NEK7: variants seen among roughly 807,000 people sequenced by gnomAD.
NEK7 encodes the protein NIMA related kinase 7.
Under a neutral mutation model 44.6 loss-of-function variants are expected in NEK7, and 18 were observed. That is an observed-to-expected ratio of 0.40 (90% CI 0.28 to 0.60). NEK7 has a LOEUF of 0.60. Among genes scored for constraint, NEK7 ranks in the 20% least tolerant of loss-of-function variants. NEK7 has a pLI of 0.38. For missense variants in NEK7, 256 were observed against 366.5 expected (o/e 0.70, Z 2.46); for synonymous variants, 130 against 121.1 (o/e 1.07, Z -0.48).
chr1:198,310,172 A>G (rs576084753), intron 9 of NEK7, among the ~76,000 whole-genome samples: 1 of 152,068 alleles, frequency 6.6e-6, no homozygotes, highest in East Asian at 1.9e-4. Context: ...TGTGGTTTTG[A>G]TTTGCATTTC....
At chr1:198,180,107 T>C (rs1664720054) in intron 1 of NEK7, among the ~76,000 whole-genome samples, 1 of 151,850 alleles carries the variant, frequency 6.6e-6, no homozygotes, top group South Asian at 2.1e-4. Flanking sequence ...CTTATTTTGC[T>C]AGAAGAGTAC....
intron 1 of NEK7, among the ~76,000 whole-genome samples, chr1:198,208,980 G>A (rs1201373489): frequency 1.3e-5 from 2 of 151,418 alleles, no homozygotes; most frequent in Middle Eastern, 3.4e-3. Context: ...ACTCTGGACC[G>A]CTAATATGTC....
intron 3 of NEK7, among the ~76,000 whole-genome samples, chr1:198,254,527 C>A (rs1272391608): frequency 6.6e-6 from 1 of 152,142 alleles, no homozygotes; most frequent in Non-Finnish European, 1.5e-5. Context: ...GGTGCATGTG[C>A]TGTAGTTTAT....
chr1:198,160,176 T>C (rs1664061097), intron 1 of NEK7, among the ~76,000 whole-genome samples: 1 of 152,206 alleles, frequency 6.6e-6, no homozygotes, highest in Non-Finnish European at 1.5e-5. Flanking sequence ...TCTGTAGTAT[T>C]ACAAATGTCG....
chr1:198,159,239 T>G (rs1193423209), intron 1 of NEK7, among the ~76,000 whole-genome samples: 1 of 152,002 alleles, frequency 6.6e-6, no homozygotes, highest in East Asian at 1.9e-4. Flanking sequence ...GCCGCGTTAG[T>G]TCTTTTTCTA....
At chr1:198,310,660 C>T (rs370212714) in intron 9 of NEK7, among the ~76,000 whole-genome samples, 75 of 152,176 alleles carry the variant, frequency 4.9e-4, no homozygotes, top group East Asian at 7.7e-4. Context: ...TTTCTACATA[C>T]GGCTAGTCAG....
At chr1:198,209,371 C>A (rs1291005078) in intron 1 of NEK7, among the ~76,000 whole-genome samples, 1 of 151,866 alleles carries the variant, frequency 6.6e-6, no homozygotes, top group Non-Finnish European at 1.5e-5. Flanking sequence ...AATAATTCAG[C>A]AAATATTTAT....
chr1:198,209,878 G>A (rs574661135), intron 1 of NEK7, among the ~76,000 whole-genome samples: 5 of 152,160 alleles, frequency 3.3e-5, no homozygotes, highest in African/African-American at 4.8e-5. Flanking sequence ...GTGCAGGGGC[G>A]TGATCTCGAC....
At chr1:198,182,839 A>G (rs1276250754) in intron 1 of NEK7, among the ~76,000 whole-genome samples, 1 of 152,180 alleles carries the variant, frequency 6.6e-6, no homozygotes, top group Non-Finnish European at 1.5e-5. Context: ...TCTACTACAG[A>G]CTTTGTTGTT....
rs58273857 is a variant in NEK7, at chr1:198,204,717, CAAAA to C, written c.-28-27818_-28-27815del. On this transcript the variant is annotated intron_variant, in intron 1 of 9. Coordinates refer to ENST00000367385, the MANE Select transcript of NEK7 (RefSeq NM_133494.3). ...CCTGGGCGACAGCGAGACTCCGTCT[CAAAA>C]AAAAAAAAAAAAAAAAAGAAACTCA... is the stretch of plus-strand genomic sequence containing the variant. Among the ~76,000 whole-genome samples the C allele has an allele frequency of 1.8e-3, 160 of 87,850 alleles. 1 individual carries two copies. The highest frequency in any genetic ancestry group is 0.012 in the South Asian group (36 of 2,912). 57.6% of individuals were successfully genotyped at this position (87,850 alleles called of 152,430 possible).
At chr1:198,228,080 T>C (rs1360678017) in intron 1 of NEK7, among the ~76,000 whole-genome samples, 3 of 152,246 alleles carry the variant, frequency 2.0e-5, no homozygotes, top group Non-Finnish European at 2.9e-5. Flanking sequence ...TGCAGCTTTC[T>C]ACCTACTGCT....
intron 9 of NEK7, among the ~76,000 whole-genome samples, chr1:198,313,019 G>A (rs1201827697): frequency 6.6e-6 from 1 of 151,940 alleles, no homozygotes; most frequent in Non-Finnish European, 1.5e-5. Flanking sequence ...TCGTTGATCT[G>A]TCTAATGTTG....
intron 2 of NEK7, among the ~76,000 whole-genome samples, chr1:198,233,943 A>G (rs1344020766): frequency 6.6e-6 from 1 of 151,932 alleles, no homozygotes; most frequent in Non-Finnish European, 1.5e-5. Flanking sequence ...TCTACCATAA[A>G]GCTTTGTCTG....
chr1:198,168,219 A>G (rs1664327089), intron 1 of NEK7, among the ~76,000 whole-genome samples: 1 of 152,220 alleles, frequency 6.6e-6, no homozygotes, highest in South Asian at 2.1e-4. Context: ...TGTAATATAT[A>G]TGGAACTCAG....
chr1:198,245,069 A>G (rs1002720041), intron 2 of NEK7: 8 of 161,456 alleles, frequency 5.0e-5, no homozygotes, highest in African/African-American at 1.9e-4. Flanking sequence ...CTTACAATAA[A>G]ATAAACTACA....
intron 1 of NEK7, among the ~76,000 whole-genome samples, chr1:198,216,584 G>T (rs771002237): frequency 1.9e-4 from 29 of 151,796 alleles, no homozygotes; most frequent in Non-Finnish European, 3.2e-4. Flanking sequence ...GAAGATCAGG[G>T]CAGAACTAAA....
At chr1:198,303,841 A>G (rs1654955257) in intron 9 of NEK7, among the ~76,000 whole-genome samples, 2 of 152,154 alleles carry the variant, frequency 1.3e-5, no homozygotes. Flanking sequence ...AGAGTATTTT[A>G]CTTTAAAATG....
At chr1:198,252,229 G>A (rs922169122) in intron 2 of NEK7, among the ~76,000 whole-genome samples, 2 of 151,790 alleles carry the variant, frequency 1.3e-5, no homozygotes, top group Non-Finnish European at 2.9e-5. Flanking sequence ...ATTGCCCTGT[G>A]GTCTGAGAGA....
At chr1:198,233,373 C>T (rs767334577) in intron 2 of NEK7, among the ~76,000 whole-genome samples, 4 of 152,116 alleles carry the variant, frequency 2.6e-5, no homozygotes, top group African/African-American at 4.8e-5. Flanking sequence ...ATAAAGCTAA[C>T]GTGTAATGAC....
Sources: allele counts gnomAD v4.1 joint callset (sites outside exome capture counted in the v4.1 genomes callset), GRCh38; gene constraint gnomAD v4.1.1; transcripts MANE v1.5; gene names NCBI Gene and HGNC (gene_info 2026-07-23, HGNC 2026-07-21).